The following CFTR variants were observed in gnomAD, a reference collection of about 807,000 sequenced individuals.
CFTR encodes CF transmembrane conductance regulator, also known as cystic fibrosis transmembrane conductance regulator.
CFTR carries 181 observed loss-of-function variants against 171.6 expected under a neutral mutation model. That is an observed-to-expected ratio of 1.05 (90% CI 0.93 to 1.19). The LOEUF is 1.19. Among genes scored for constraint, CFTR ranks in the 50% most tolerant of loss-of-function variants. CFTR has a pLI of 0.00. For missense variants in CFTR, 1,968 were observed against 1,734.7 expected (o/e 1.13, Z -2.39); for synonymous variants, 583 against 608.0 (o/e 0.96, Z 0.60).
At chr7:117,537,080 A>G (rs1272864751) in intron 7 of CFTR, among the ~76,000 whole-genome samples, 1 of 152,184 alleles carries the variant, frequency 6.6e-6, no homozygotes, top group Admixed American at 6.5e-5. Flanking sequence ...GTGTTATGGT[A>G]TATTAAACAT....
At chr7:117,625,862 G>A (rs1048953533) in intron 21 of CFTR, among the ~76,000 whole-genome samples, 1 of 152,142 alleles carries the variant, frequency 6.6e-6, no homozygotes, top group Non-Finnish European at 1.5e-5. Flanking sequence ...GACAGTGTGA[G>A]TGTATTTTAA....
intron 23 of CFTR, 128 bp downstream of exon 23, chr7:117,642,721 TC>T: frequency 1.0e-6 from 1 of 995,270 alleles, no homozygotes; most frequent in South Asian, 1.5e-5. Context: ...GTCTTTTTTC[TC>T]CAGTGCAGTT....
intron 11 of CFTR, among the ~76,000 whole-genome samples, chr7:117,560,546 A>G (rs1799447060): frequency 6.6e-6 from 1 of 152,148 alleles, no homozygotes; most frequent in Admixed American, 6.6e-5. Context: ...AAAAAATGGA[A>G]AAGGGCAAAC....
At chr7:117,534,855 CAG>C (rs965774263) in intron 5 of CFTR, among the ~76,000 whole-genome samples, 1 of 152,144 alleles carries the variant, frequency 6.6e-6, no homozygotes, top group Non-Finnish European at 1.5e-5. Flanking sequence ...TGTCAAATGA[CAG>C]AGTGTGGTTG....
At chr7:117,648,065 ATATG>A (rs1793024909) in intron 23 of CFTR, among the ~76,000 whole-genome samples, 1 of 139,228 alleles carries the variant, frequency 7.2e-6, no homozygotes, top group Non-Finnish European at 1.5e-5. Context: ...ATATATGTAT[ATATG>A]TATATATATA....
chr7:117,480,029 T>C lies in CFTR; in HGVS notation c.-66T>C, dbSNP rs1797974971. ...GTTGAGCGGCAGGCACCCAGAGTAG[T>C]AGGTCTTTGGCATTAGGAGCTTGAG... On this transcript the variant is annotated 5_prime_UTR_variant, in exon 1 of 27. Coordinates refer to ENST00000003084, the MANE Select transcript of CFTR (RefSeq NM_000492.4). The C allele has an allele frequency of 3.5e-6, 5 of 1,435,506 alleles. No individual in the cohort carries two copies. Among genetic ancestry groups the C allele is most frequent in the African/African-American group, 1.4e-5 (1 of 71,604 alleles). The allele number at this position is 1,435,506 out of a possible 1,614,324, so 88.9% of individuals were successfully genotyped here. A position where few individuals can be genotyped will look rare whatever the true frequency, so the allele number is the denominator to read the frequency against.
At chr7:117,499,533 G>A (rs923768750) in intron 1 of CFTR, among the ~76,000 whole-genome samples, 5 of 147,032 alleles carry the variant, frequency 3.4e-5, no homozygotes, top group African/African-American at 1.3e-4. Context: ...GAACAGAACA[G>A]TGTATCTAGG....
intron 15 of CFTR, among the ~76,000 whole-genome samples, chr7:117,598,505 G>A (rs990225367): frequency 6.6e-6 from 1 of 152,102 alleles, no homozygotes; most frequent in Non-Finnish European, 1.5e-5. Flanking sequence ...ACTCCACCAT[G>A]GTCCAGTAAC....
intron 3 of CFTR, among the ~76,000 whole-genome samples, chr7:117,525,093 A>G (rs34683806): frequency 0.25 from 38,292 of 152,012 alleles, 5,093 homozygotes; most frequent in East Asian, 0.42. Flanking sequence ...TAATATTTGG[A>G]TAGGAGGTTG....
chr7:117,541,457 G>A (rs563980364), intron 8 of CFTR, among the ~76,000 whole-genome samples: 28 of 152,270 alleles, frequency 1.8e-4, no homozygotes, highest in African/African-American at 4.3e-4. Context: ...TTCAGTATGC[G>A]TGGACTTAAT....
chr7:117,496,466 A>C (rs1422972182), intron 1 of CFTR, among the ~76,000 whole-genome samples: 1 of 152,236 alleles, frequency 6.6e-6, no homozygotes, highest in African/African-American at 2.4e-5. Flanking sequence ...AGCATCCTAA[A>C]GTGCTGGGAT....
intron 10 of CFTR, among the ~76,000 whole-genome samples, chr7:117,555,654 T>A (rs1799340263): frequency 6.6e-6 from 1 of 152,116 alleles, no homozygotes; most frequent in African/African-American, 2.4e-5. Flanking sequence ...AAAAGTTGAG[T>A]TGCTTGGTAT....
At chr7:117,512,405 A>C (rs1242107203) in intron 3 of CFTR, among the ~76,000 whole-genome samples, 1 of 151,972 alleles carries the variant, frequency 6.6e-6, no homozygotes, top group Non-Finnish European at 1.5e-5. Context: ...AGGTGGGCAA[A>C]TCACAAGGTC....
chr7:117,655,669 G>T (rs1793155621), intron 24 of CFTR, among the ~76,000 whole-genome samples: 1 of 152,086 alleles, frequency 6.6e-6, no homozygotes, highest in African/African-American at 2.4e-5. Flanking sequence ...CTTCCACATT[G>T]AGTATTTGTT....
intron 11 of CFTR, among the ~76,000 whole-genome samples, chr7:117,576,978 A>G (rs1791779098): frequency 6.6e-6 from 1 of 152,154 alleles, no homozygotes; most frequent in South Asian, 2.1e-4. Context: ...AGAAGCTCAC[A>G]GTCTTCGAAG....
chr7:117,579,461 A>G (rs1315991456), intron 11 of CFTR, among the ~76,000 whole-genome samples: 1 of 151,902 alleles, frequency 6.6e-6, no homozygotes, highest in Non-Finnish European at 1.5e-5. Context: ...TCTATTAGCT[A>G]TGTTATCTTT....
intron 11 of CFTR, among the ~76,000 whole-genome samples, chr7:117,570,339 G>A (rs1791670786): frequency 6.6e-6 from 1 of 152,140 alleles, no homozygotes; most frequent in Non-Finnish European, 1.5e-5. Flanking sequence ...AGAAGAGTTT[G>A]GGAAGCGTAG....
rs765043844 is a variant in CFTR, at chr7:117,592,188, A to T, written c.2021A>T (p.Asp674Val). 1 of 1,613,980 alleles carries T rather than the reference A, an allele frequency of 6.2e-7. No homozygotes were observed. Among genetic ancestry groups the T allele is most frequent in the Non-Finnish European group, 8.5e-7 (1 of 1,180,014 alleles). ...TTACACCGTTTCTCATTAGAAGGAG[A>T]TGCTCCTGTCTCCTGGACAGAAACA... is the stretch of plus-strand genomic sequence containing the variant. ...ETLHRFSLEG[D>V]APVSWTETKK... The change falls in exon 14 of 27, where the codon GAT becomes GTT. Residue 674 changes from aspartate (D) to valine (V), a missense_variant. Transcript: ENST00000003084.
At chr7:117,648,706 C>A (rs1245629029) in intron 23 of CFTR, among the ~76,000 whole-genome samples, 1 of 152,054 alleles carries the variant, frequency 6.6e-6, no homozygotes, top group Non-Finnish European at 1.5e-5. Flanking sequence ...GAGAAAAGGA[C>A]TTGGGTGACC....
Sources: allele counts gnomAD v4.1 joint callset (sites outside exome capture counted in the v4.1 genomes callset), GRCh38; gene constraint gnomAD v4.1.1; transcripts MANE v1.5; gene names NCBI Gene and HGNC (gene_info 2026-07-23, HGNC 2026-07-21).